The following EFCAB11 variants were observed in gnomAD, a reference collection of about 807,000 sequenced individuals.
EFCAB11 encodes EF-hand calcium binding domain 11, also known as EF-hand calcium-binding domain-containing protein 11.
In EFCAB11, 14 loss-of-function variants were observed where a neutral mutation model predicts 23.0. That is an observed-to-expected ratio of 0.61 (90% CI 0.40 to 0.95). The LOEUF is 0.95. Ranked by LOEUF, EFCAB11 falls within the 40% of genes least tolerant of loss-of-function variation. The pLI is 0.00. For missense variants in EFCAB11, 198 were observed against 195.8 expected, an observed-to-expected ratio of 1.01 and a Z score of -0.07; for synonymous variants, 65 against 66.6, an observed-to-expected ratio of 0.98 and a Z score of 0.11.
intron 5 of EFCAB11, among the ~76,000 whole-genome samples, chr14:89,886,253 C>T (rs1888768645): frequency 6.6e-6 from 1 of 151,986 alleles, no homozygotes; most frequent in Non-Finnish European, 1.5e-5. Flanking sequence ...CGTGGTGGCT[C>T]ATGCCTGTAA....
intron 5 of EFCAB11, among the ~76,000 whole-genome samples, chr14:89,901,568 G>A (rs1889338067): frequency 6.6e-6 from 1 of 152,092 alleles, no homozygotes; most frequent in Non-Finnish European, 1.5e-5. Flanking sequence ...AAAGAAGCTG[G>A]GGACCCCAAG....
intron 5 of EFCAB11, among the ~76,000 whole-genome samples, chr14:89,860,296 G>A (rs1460822834): frequency 6.6e-6 from 1 of 152,040 alleles, no homozygotes; most frequent in African/African-American, 2.4e-5. Context: ...CCCAGGAGGC[G>A]GAGGTTGCAG....
intron 5 of EFCAB11, among the ~76,000 whole-genome samples, chr14:89,837,989 C>G (rs1162524783): frequency 6.6e-6 from 1 of 152,136 alleles, no homozygotes; most frequent in Non-Finnish European, 1.5e-5. Context: ...GAAATCACTT[C>G]CCTGCAGTAG....
intron 5 of EFCAB11, among the ~76,000 whole-genome samples, chr14:89,904,382 A>G (rs924944032): frequency 2.0e-5 from 3 of 152,142 alleles, no homozygotes; most frequent in Non-Finnish European, 2.9e-5. Context: ...TCATTGATGG[A>G]CATATGGGTT....
chr14:89,916,155 A>T (rs1189034906), intron 5 of EFCAB11, among the ~76,000 whole-genome samples: 4 of 125,340 alleles, frequency 3.2e-5, no homozygotes, highest in Admixed American at 3.1e-4. Context: ...AGAATGGCTC[A>T]GAAAAAAAAA....
chr14:89,909,839 T>C (rs1889614588), intron 5 of EFCAB11, among the ~76,000 whole-genome samples: 1 of 152,332 alleles, frequency 6.6e-6, no homozygotes, highest in South Asian at 2.1e-4. Context: ...AGATGCACTC[T>C]GTCTAGAATA....
chr14:89,815,780 G>C (rs1046861773), intron 5 of EFCAB11, among the ~76,000 whole-genome samples: 5 of 151,994 alleles, frequency 3.3e-5, no homozygotes, highest in Non-Finnish European at 7.4e-5. Context: ...TTTGGGCAAT[G>C]GTGAGGAAAT....
chr14:89,930,251 G>C (rs1170169224), intron 5 of EFCAB11, among the ~76,000 whole-genome samples: 1 of 152,212 alleles, frequency 6.6e-6, no homozygotes, highest in African/African-American at 2.4e-5. Flanking sequence ...GATAATGACT[G>C]CAAATCTTCA....
chr14:89,937,024 G>A (rs1890609129), intron 3 of EFCAB11, among the ~76,000 whole-genome samples: 1 of 152,194 alleles, frequency 6.6e-6, no homozygotes, highest in Admixed American at 6.5e-5. Flanking sequence ...CAAATACAAT[G>A]TTGAGTCATT....
chr14:89,817,811 T>C (rs1886382311), intron 5 of EFCAB11, among the ~76,000 whole-genome samples: 1 of 152,012 alleles, frequency 6.6e-6, no homozygotes, highest in African/African-American at 2.4e-5. Context: ...CTGGCCAACA[T>C]GGCGAAACCC....
chr14:89,937,505 T>C (rs931564478), intron 3 of EFCAB11, among the ~76,000 whole-genome samples: 19 of 152,262 alleles, frequency 1.2e-4, no homozygotes, highest in Middle Eastern at 3.4e-3. Context: ...CTTGGTAAAA[T>C]GGACTCTCTT....
In EFCAB11 at chr14:89,919,190, GAGAGAGAGAGAGAC is replaced by G. The variant is rs1423103763; in HGVS notation, c.410+12337_410+12350del. On this transcript the variant is annotated intron_variant, in intron 5 of 5. Transcript: ENST00000316738. ...TTCTCAGACATCACACTTGATGAGAGAGAGAGAGAGAGACAGAGAGAGAGAGAGAGAGAGAGAAA... is the reference window on the plus strand; with the variant it reads ...TTCTCAGACATCACACTTGATGAGAGAGAGAGAGAGAGAGAGAGAGAGAAA... Among the ~76,000 whole-genome samples the G allele has an allele frequency of 6.0e-5, 8 of 133,632 alleles. No homozygotes were observed. In the East Asian group the frequency reaches 6.1e-4, roughly 10 times the overall value. The allele number at this position is 133,632 out of a possible 152,430, so 87.7% of individuals were successfully genotyped here. A position where few individuals can be genotyped will look rare whatever the true frequency, so the allele number is the denominator to read the frequency against.
At chr14:89,842,059 C>G (rs1822796433) in intron 5 of EFCAB11, among the ~76,000 whole-genome samples, 1 of 152,154 alleles carries the variant, frequency 6.6e-6, no homozygotes, top group Non-Finnish European at 1.5e-5. Flanking sequence ...GGTGCTGAAC[C>G]TGAAACCTAG....
At chr14:89,839,316 A>G (rs4900016) in intron 5 of EFCAB11, among the ~76,000 whole-genome samples, 111,707 of 152,056 alleles carry the variant, frequency 0.73, 42,615 homozygotes, top group Non-Finnish European at 0.85. Flanking sequence ...GAGAGGAAAA[A>G]GGTGGAGGCT....
At chr14:89,834,403 A>AAAAAAAAAAAAAC (rs67216494) in intron 5 of EFCAB11, among the ~76,000 whole-genome samples, 1 of 101,398 alleles carries the variant, frequency 9.9e-6, no homozygotes, top group Non-Finnish European at 2.0e-5. Flanking sequence ...AAAAAAAAAA[A>AAAAAAAAAAAAAC]CCTTTTTGTT....
At chr14:89,902,042 A>G (rs749095348) in intron 5 of EFCAB11, among the ~76,000 whole-genome samples, 58 of 152,230 alleles carry the variant, frequency 3.8e-4, no homozygotes, top group Non-Finnish European at 6.3e-4. Flanking sequence ...AAGAGGTAGC[A>G]CCCATGACTA....
intron 5 of EFCAB11, chr14:89,923,577 G>C: frequency 3.0e-6 from 2 of 662,774 alleles, no homozygotes; most frequent in Non-Finnish European, 3.7e-6. Flanking sequence ...AGAAGGTATA[G>C]CTGATGACTG....
chr14:89,937,126 T>G (rs2139820043), intron 3 of EFCAB11, among the ~76,000 whole-genome samples: 1 of 152,350 alleles, frequency 6.6e-6, no homozygotes, highest in East Asian at 1.9e-4. Context: ...CACAGATCTA[T>G]GTGTTTATCT....
At position 89,925,256 on chromosome 14, in the gene EFCAB11, T is replaced by G. The variant is rs182906612; in HGVS notation, c.410+6285A>C. Among the ~76,000 whole-genome samples, 512 of 152,230 alleles carry G rather than the reference T, an allele frequency of 3.4e-3. 3 individuals carry two copies. The highest frequency in any genetic ancestry group is 0.014 in the Middle Eastern group (4 of 294). ...ACAGGAATTTGGGACTGATGTAAGA[T>G]GAGTTTGAAAAGGGGACCAGATGTT... On this transcript the variant is annotated intron_variant, in intron 5 of 5. Coordinates refer to ENST00000316738, the MANE Select transcript of EFCAB11 (RefSeq NM_145231.4).
Sources: allele counts gnomAD v4.1 joint callset (sites outside exome capture counted in the v4.1 genomes callset), GRCh38; gene constraint gnomAD v4.1.1; transcripts MANE v1.5; gene names NCBI Gene and HGNC (gene_info 2026-07-23, HGNC 2026-07-21).